Variants in CDKN3 observed in about 807,000 individuals in gnomAD.
The protein encoded by CDKN3 is cyclin dependent kinase inhibitor 3, also known as cyclin-dependent kinase inhibitor 3.
In CDKN3, 19 loss-of-function variants were observed where a neutral mutation model predicts 36.1. That is an observed-to-expected ratio of 0.53 (90% confidence interval 0.37 to 0.77). CDKN3 has a LOEUF of 0.77. Ranked by LOEUF, CDKN3 falls within the 30% of genes least tolerant of loss-of-function variation. CDKN3 has a pLI of 0.00. For missense variants in CDKN3, 188 were observed against 248.6 expected (o/e 0.76, Z 1.64); for synonymous variants, 71 against 85.3 (o/e 0.83, Z 0.92).
intron 3 of CDKN3, among the ~76,000 whole-genome samples, chr14:54,402,748 A>G (rs2030003939): frequency 6.6e-6 from 1 of 152,224 alleles, no homozygotes; most frequent in South Asian, 2.1e-4. Context: ...GAAGGGGTCC[A>G]CTTTCAGTTT....
chr14:54,401,585 T>TA lies in CDKN3; in HGVS notation c.148+8dup. 1 of 1,587,876 alleles carries TA rather than the reference T, an allele frequency of 6.3e-7. No homozygotes were observed. Among genetic ancestry groups the TA allele is most frequent in the Non-Finnish European group, 8.6e-7 (1 of 1,159,056 alleles). ...CGGTTTATGTGCTCTTCCAGGTGGG[T>TA]AACACAATAATGGGCTTCCTATCAA... On this transcript the variant is annotated splice_region_variant and intron_variant, in intron 3 of 7. Transcript: ENST00000335183.
At chr14:54,403,878 G>T (rs2030050402) in intron 3 of CDKN3, among the ~76,000 whole-genome samples, 1 of 152,280 alleles carries the variant, frequency 6.6e-6, no homozygotes, top group South Asian at 2.1e-4. Flanking sequence ...TGCGTCCCAG[G>T]GATGAAGCTG....
At chr14:54,405,917 A>G (rs534467046) in intron 3 of CDKN3, among the ~76,000 whole-genome samples, 4 of 152,310 alleles carry the variant, frequency 2.6e-5, no homozygotes, top group African/African-American at 9.6e-5. Flanking sequence ...TAGTTGATGC[A>G]GTTTCTTCAT....
chr14:54,407,372 T>C, intron 3 of CDKN3, among the ~76,000 whole-genome samples: 1 of 152,240 alleles, frequency 6.6e-6, no homozygotes, highest in Non-Finnish European at 1.5e-5. Context: ...GCTCGAGCAC[T>C]GTGCTGGGAG....
chr14:54,419,406 T>C (rs2030655400), intron 7 of CDKN3, among the ~76,000 whole-genome samples: 1 of 152,218 alleles, frequency 6.6e-6, no homozygotes, highest in South Asian at 2.1e-4. Flanking sequence ...AATGAGATGA[T>C]TGGCAGAGTA....
intron 2 of CDKN3, among the ~76,000 whole-genome samples, chr14:54,400,886 A>G (rs1035564409): frequency 1.3e-5 from 2 of 152,214 alleles, no homozygotes; most frequent in Non-Finnish European, 2.9e-5. Context: ...ATTTCTTTTT[A>G]ACCAAAAACC....
At chr14:54,397,883 C>T (rs917601506) in intron 1 of CDKN3, among the ~76,000 whole-genome samples, 3 of 152,244 alleles carry the variant, frequency 2.0e-5, no homozygotes, top group Non-Finnish European at 4.4e-5. Context: ...GTAATCCCAA[C>T]ACTTTGGGAG....
intron 1 of CDKN3, among the ~76,000 whole-genome samples, chr14:54,397,297 T>G (rs1174489760): frequency 6.6e-6 from 1 of 152,272 alleles, no homozygotes; most frequent in Admixed American, 6.5e-5. Context: ...GGACATTCGC[T>G]GTGCACCTGC....
intron 3 of CDKN3, 138 bp from the exon 4 acceptor site, chr14:54,408,607 A>G (rs775416616): frequency 3.1e-6 from 3 of 958,778 alleles, no homozygotes; most frequent in Non-Finnish European, 4.5e-6. Flanking sequence ...AGAAATTGAA[A>G]TTCATATTCA....
chr14:54,419,117 C>T (rs1212025776), intron 7 of CDKN3, among the ~76,000 whole-genome samples: 1 of 151,280 alleles, frequency 6.6e-6, no homozygotes, highest in Non-Finnish European at 1.5e-5. Flanking sequence ...GAGATCACAC[C>T]ACTGCACTCC....
At chr14:54,404,131 C>T (rs1241995960) in intron 3 of CDKN3, among the ~76,000 whole-genome samples, 2 of 152,106 alleles carry the variant, frequency 1.3e-5, no homozygotes, top group African/African-American at 4.8e-5. Context: ...CTCTTTGCAC[C>T]TCTGGTAGAA....
intron 6 of CDKN3, among the ~76,000 whole-genome samples, chr14:54,416,334 G>A (rs1317143608): frequency 1.3e-5 from 2 of 152,078 alleles, no homozygotes; most frequent in East Asian, 1.9e-4. Context: ...AAAAGAGTTC[G>A]TGAAATGCCA....
At chr14:54,419,965 A>AT in intron 7 of CDKN3, 27 bp from the exon 8 acceptor site, 2 of 1,358,778 alleles carry the variant, frequency 1.5e-6, no homozygotes, top group South Asian at 2.3e-5. Context: ...TCTACAGTGT[A>AT]TTCCAATGTA....
At position 54,417,873 on chromosome 14, in the gene CDKN3, G is replaced by T; in HGVS notation, c.474G>T (p.Leu158=). 1.3e-6 allele frequency: 2 copies of T among 1,596,232 alleles called. No individual in the cohort carries two copies. ...TAGCTGCTTGTCTCCTACTATACCTGTCTGACACAATATCACCAGAGCAAG... is the reference window on the plus strand; with the variant it reads ...TAGCTGCTTGTCTCCTACTATACCTTTCTGACACAATATCACCAGAGCAAG... ...CLVAACLLLY[L]SDTISPEQAI... Residue 158 remains leucine, a synonymous_variant, in exon 7 of 8, where the codon CTG becomes CTT. Coordinates refer to ENST00000335183, the MANE Select transcript of CDKN3 (RefSeq NM_005192.4).
At chr14:54,400,086 T>C (rs1011446012) in intron 2 of CDKN3, 110 bp downstream of exon 2, 26 of 666,514 alleles carry the variant, frequency 3.9e-5, no homozygotes, top group Non-Finnish European at 7.1e-5. Context: ...ATTGAAAATG[T>C]TAAGGGATTA....
intron 4 of CDKN3, 64 bp downstream of exon 4, chr14:54,408,853 C>CT: frequency 1.4e-6 from 2 of 1,476,772 alleles, no homozygotes; most frequent in Non-Finnish European, 1.8e-6. Context: ...GAAAAACTCT[C>CT]TGTCAAAAAG....
intron 2 of CDKN3, among the ~76,000 whole-genome samples, chr14:54,400,237 T>TATAGTATAGA (rs1555361415): frequency 7.0e-6 from 1 of 142,318 alleles, no homozygotes; most frequent in Admixed American, 7.0e-5. Context: ...ATTTACTCTT[T>TATAGTATAGA]ATAAGACCCT....
chr14:54,407,535 G>C (rs1262870388), intron 3 of CDKN3, among the ~76,000 whole-genome samples: 1 of 152,226 alleles, frequency 6.6e-6, no homozygotes, highest in Admixed American at 6.5e-5. Flanking sequence ...TTTCAGAGAT[G>C]CCCTGCCCAG....
chr14:54,401,816 A>G (rs2029952043), intron 3 of CDKN3, among the ~76,000 whole-genome samples: 1 of 152,026 alleles, frequency 6.6e-6, no homozygotes, highest in East Asian at 1.9e-4. Context: ...AGTCCAATGT[A>G]TCATTCTTAT....
Sources: allele counts gnomAD v4.1 joint callset (sites outside exome capture counted in the v4.1 genomes callset), GRCh38; gene constraint gnomAD v4.1.1; transcripts MANE v1.5; gene names NCBI Gene and HGNC (gene_info 2026-07-23, HGNC 2026-07-21).